The following RBFOX1 variants were observed in gnomAD, a reference collection of about 807,000 sequenced individuals.
RBFOX1 encodes the protein RNA binding protein fox-1 homolog 1.
Under a neutral mutation model 57.7 loss-of-function variants are expected in RBFOX1, and 8 were observed. The observed-to-expected ratio is 0.14, with a 90% CI of 0.08 to 0.25. The LOEUF (loss-of-function observed/expected upper bound fraction) is 0.25. RBFOX1 is among the 10% of genes least tolerant of loss of function. The pLI is 1.00. For synonymous variants in RBFOX1, 326 were observed against 222.4 expected, an observed-to-expected ratio of 1.47 and a Z score of -4.15; for missense variants, 611 against 548.5, an observed-to-expected ratio of 1.11 and a Z score of -1.14.
intron 3 of RBFOX1, among the ~76,000 whole-genome samples, chr16:6,968,554 G>C (rs1182743118): frequency 6.6e-6 from 1 of 152,062 alleles, no homozygotes; most frequent in East Asian, 1.9e-4. Context: ...GAGGAAGTCT[G>C]GCAGGGAAAG....
At chr16:6,517,920 C>G (rs563774938) in intron 2 of RBFOX1, among the ~76,000 whole-genome samples, 5 of 152,090 alleles carry the variant, frequency 3.3e-5, no homozygotes, top group East Asian at 3.9e-4. Context: ...AATGAGATGT[C>G]GATAGTAGTG....
At chr16:6,355,856 G>A (rs1296695305) in intron 2 of RBFOX1, among the ~76,000 whole-genome samples, 1 of 152,048 alleles carries the variant, frequency 6.6e-6, no homozygotes, top group African/African-American at 2.4e-5. Flanking sequence ...ACTAGAAGTT[G>A]GTATATACAA....
chr16:5,751,160 G>C (rs1304196637), intron 3 of RBFOX1, among the ~76,000 whole-genome samples: 1 of 152,126 alleles, frequency 6.6e-6, no homozygotes, highest in Non-Finnish European at 1.5e-5. Context: ...TCTGCTTTCT[G>C]TTCAATCCAG....
intron 1 of RBFOX1, among the ~76,000 whole-genome samples, chr16:6,243,201 C>A (rs535170327): frequency 2.6e-5 from 4 of 151,740 alleles, no homozygotes; most frequent in Non-Finnish European, 2.9e-5. Context: ...AAAGCTTTTT[C>A]ATTTGAAAAC....
chr16:6,256,161 A>ATATATATG (rs1486039903), intron 1 of RBFOX1, among the ~76,000 whole-genome samples: 1,327 of 14,796 alleles, frequency 0.09, 102 homozygotes, highest in African/African-American at 0.16. Flanking sequence ...ATATATATGT[A>ATATATATG]TATATATATG....
At chr16:7,438,147 A>G (rs1244363287) in intron 4 of RBFOX1, among the ~76,000 whole-genome samples, 1 of 152,208 alleles carries the variant, frequency 6.6e-6, no homozygotes, top group Non-Finnish European at 1.5e-5. Context: ...GGGAATTTAA[A>G]AAAGAAAAGA....
At chr16:6,450,762 T>TAC (rs2094574423) in intron 2 of RBFOX1, among the ~76,000 whole-genome samples, 2 of 42,120 alleles carry the variant, frequency 4.7e-5, no homozygotes, top group African/African-American at 2.3e-4. Flanking sequence ...TACATATATA[T>TAC]ATGTGTATAT....
intron 1 of RBFOX1, among the ~76,000 whole-genome samples, chr16:6,205,863 C>CTTTTTT (rs34261182): frequency 4.1e-5 from 4 of 97,884 alleles, no homozygotes; most frequent in Non-Finnish European, 5.5e-5. Flanking sequence ...CGAGATCATA[C>CTTTTTT]TTTTTTTTTT....
chr16:7,120,841 A>T (rs1319457648), intron 4 of RBFOX1, among the ~76,000 whole-genome samples: 1 of 147,012 alleles, frequency 6.8e-6, no homozygotes, highest in Non-Finnish European at 1.5e-5. Flanking sequence ...ACACACACAC[A>T]CACACACACA....
At chr16:7,444,870 C>G (rs1055958656) in intron 4 of RBFOX1, among the ~76,000 whole-genome samples, 14 of 152,160 alleles carry the variant, frequency 9.2e-5, no homozygotes, top group African/African-American at 3.4e-4. Flanking sequence ...TTTAAAGGGT[C>G]TGGGTGAATG....
chr16:6,929,375 CA>C (rs2076145330), intron 3 of RBFOX1, among the ~76,000 whole-genome samples: 1 of 152,150 alleles, frequency 6.6e-6, no homozygotes, highest in South Asian at 2.1e-4. Context: ...CGGTGCACGT[CA>C]CCATTGTCAA....
At chr16:7,496,439 G>A (rs182057952) in intron 4 of RBFOX1, among the ~76,000 whole-genome samples, 33 of 152,274 alleles carry the variant, frequency 2.2e-4, no homozygotes. Flanking sequence ...CACTGTGCCT[G>A]GCCAAGTTTC....
At chr16:7,254,807 A>G (rs886801972) in intron 4 of RBFOX1, among the ~76,000 whole-genome samples, 6 of 152,184 alleles carry the variant, frequency 3.9e-5, no homozygotes, top group Non-Finnish European at 7.4e-5. Flanking sequence ...ATTTCATACA[A>G]TGATGAACAA....
chr16:6,612,589 C>T (rs1172129753), intron 2 of RBFOX1, among the ~76,000 whole-genome samples: 3 of 152,096 alleles, frequency 2.0e-5, no homozygotes, highest in African/African-American at 4.8e-5. Context: ...TAGTTGGTCA[C>T]ACCTGTAATC....
intron 3 of RBFOX1, among the ~76,000 whole-genome samples, chr16:6,939,867 C>G (rs994731354): frequency 6.6e-6 from 1 of 152,088 alleles, no homozygotes; most frequent in Non-Finnish European, 1.5e-5. Context: ...TGTCAAGGCT[C>G]TTTGTAATTT....
intron 1 of RBFOX1, among the ~76,000 whole-genome samples, chr16:5,283,471 C>T (rs1192685649): frequency 6.6e-6 from 1 of 152,132 alleles, no homozygotes; most frequent in Non-Finnish European, 1.5e-5. Flanking sequence ...CCTTTCACCT[C>T]CTGGTTTTAT....
chr16:7,340,100 G>T (rs1443477292), intron 4 of RBFOX1, among the ~76,000 whole-genome samples: 1 of 152,192 alleles, frequency 6.6e-6, no homozygotes, highest in Non-Finnish European at 1.5e-5. Flanking sequence ...ATCTCTGGTT[G>T]CCCACTTTAG....
rs140832004 is a variant in RBFOX1 at position 5,729,583 on chromosome 16, C to T, written c.318+130622C>T. On this transcript the variant is annotated intron_variant, in intron 3 of 19. Coordinates refer to the RBFOX1 transcript ENST00000641259. ...AGAAGCTATGTTAATTATATTTGTC[C>T]AGGGTACCCAAGATAATTTGCATCT... is the stretch of plus-strand genomic sequence containing the variant. Among the ~76,000 whole-genome samples, 136 of 152,078 alleles carry T rather than the reference C, an allele frequency of 8.9e-4. 1 individual carries two copies. The highest frequency in any genetic ancestry group is 3.0e-3 in the African/African-American group (123 of 41,488).
intron 10 of RBFOX1, among the ~76,000 whole-genome samples, chr16:7,611,789 A>C (rs1293636126): frequency 6.6e-6 from 1 of 152,102 alleles, no homozygotes; most frequent in Non-Finnish European, 1.5e-5. Flanking sequence ...AGAACGTTCT[A>C]ATGTATTTTG....
Sources: allele counts gnomAD v4.1 joint callset (sites outside exome capture counted in the v4.1 genomes callset), GRCh38; gene constraint gnomAD v4.1.1; transcripts MANE v1.5; gene names NCBI Gene and HGNC (gene_info 2026-07-23, HGNC 2026-07-21).